The following ADGRL3 variants were observed in gnomAD, a reference collection of about 807,000 sequenced individuals.
ADGRL3 encodes the protein adhesion G protein-coupled receptor L3.
Under a neutral mutation model 153.5 loss-of-function variants are expected in ADGRL3, and 62 were observed. The ratio of observed to expected loss-of-function variants is 0.40; its 90% confidence interval spans 0.33 to 0.50. ADGRL3 has a LOEUF of 0.50. Ranked by LOEUF, ADGRL3 falls within the 20% of genes least tolerant of loss-of-function variation. The pLI is 0.47. For missense variants in ADGRL3, 1,641 were observed against 1,859.4 expected (o/e 0.88, Z 2.16); for synonymous variants, 710 against 672.5 (o/e 1.06, Z -0.86).
intron 2 of ADGRL3, among the ~76,000 whole-genome samples, chr4:61,413,487 C>T (rs1189348594): frequency 2.0e-5 from 3 of 152,016 alleles, no homozygotes; most frequent in Non-Finnish European, 4.4e-5. Context: ...ATAGAGGTGC[C>T]GGGGTTATAA....
At chr4:61,783,310 C>T (rs1047248937) in intron 8 of ADGRL3, among the ~76,000 whole-genome samples, 1 of 152,088 alleles carries the variant, frequency 6.6e-6, no homozygotes, top group Non-Finnish European at 1.5e-5. Context: ...ATATCTGAGC[C>T]AAGTGCCTGG....
Position 61,956,936 on chromosome 4 carries a change from T to C in ADGRL3, c.2805+8660T>C, listed in dbSNP as rs192032017. On this transcript the variant is annotated intron_variant, in intron 17 of 26. Coordinates refer to ENST00000683033, the MANE Select transcript of ADGRL3 (RefSeq NM_001387552.1). ...CCAATACCATGCTTTTTGGTTACTG[T>C]AGTATTTTAGTGTAGTTTGAAGTCA... Among the ~76,000 whole-genome samples, 207 of 152,274 alleles carry C rather than the reference T, an allele frequency of 1.4e-3. 2 individuals carry two copies. The highest frequency in any genetic ancestry group is 2.2e-4 in the Non-Finnish European group (15 of 68,026).
chr4:62,000,739 G>C (rs1012406178), intron 21 of ADGRL3, among the ~76,000 whole-genome samples: 1 of 151,936 alleles, frequency 6.6e-6, no homozygotes, highest in African/African-American at 2.4e-5. Flanking sequence ...GTAGTTGTTA[G>C]AAGGGGTACA....
At chr4:62,025,890 C>A (rs149193120) in intron 21 of ADGRL3, among the ~76,000 whole-genome samples, 1,993 of 152,074 alleles carry the variant, frequency 0.013, 56 homozygotes, top group African/African-American at 0.045. Flanking sequence ...AAAAATTATT[C>A]AGCTATAGAA....
intron 1 of ADGRL3, among the ~76,000 whole-genome samples, chr4:61,374,744 C>A (rs951181182): frequency 6.6e-6 from 1 of 152,140 alleles, no homozygotes; most frequent in Non-Finnish European, 1.5e-5. Flanking sequence ...AGAAGCATTT[C>A]TTTATTTCCT....
intron 18 of ADGRL3, among the ~76,000 whole-genome samples, chr4:61,982,323 C>T (rs1018926371): frequency 2.0e-5 from 3 of 152,228 alleles, no homozygotes; most frequent in East Asian, 1.9e-4. Flanking sequence ...TCCTTGCTAG[C>T]GAGGTATCCT....
At position 61,663,433 on chromosome 4, in the gene ADGRL3, C is replaced by T. The variant is rs561406485; in HGVS notation, c.474-13393C>T. 5.9e-5 allele frequency among the ~76,000 whole-genome samples: 9 copies of T among 152,366 alleles called. No homozygotes were observed. In the South Asian group the frequency reaches 1.7e-3, roughly 28 times the overall value. ...GCCTCGCTGGGAGCTGGCACCTGTG[C>T]TGCTGCCCAAAGGTGCCTACCCCAC... On this transcript the variant is annotated intron_variant, in intron 5 of 26. Coordinates refer to ENST00000683033, the MANE Select transcript of ADGRL3 (RefSeq NM_001387552.1).
At chr4:61,379,885 C>T (rs1048509481) in intron 1 of ADGRL3, among the ~76,000 whole-genome samples, 7 of 151,792 alleles carry the variant, frequency 4.6e-5, no homozygotes, top group East Asian at 3.9e-4. Flanking sequence ...ATAAACATCC[C>T]GGTAAGAAAC....
intron 8 of ADGRL3, among the ~76,000 whole-genome samples, chr4:61,802,224 A>G (rs1164785989): frequency 2.0e-5 from 3 of 152,038 alleles, no homozygotes; most frequent in African/African-American, 4.8e-5. Context: ...TGCTTCCCAG[A>G]CACATATGCA....
intron 9 of ADGRL3, among the ~76,000 whole-genome samples, chr4:61,877,476 G>T (rs1452362085): frequency 1.3e-5 from 2 of 152,196 alleles, no homozygotes; most frequent in Non-Finnish European, 2.9e-5. Context: ...GAATGTGGTT[G>T]TGGTTATACA....
At chr4:61,957,937 C>T (rs552317767) in intron 17 of ADGRL3, among the ~76,000 whole-genome samples, 1 of 152,080 alleles carries the variant, frequency 6.6e-6, no homozygotes, top group South Asian at 2.1e-4. Flanking sequence ...AAAAAAGTAT[C>T]GTTTTCAGTG....
At chr4:61,383,990 C>A (rs967416910) in intron 2 of ADGRL3, among the ~76,000 whole-genome samples, 1 of 151,744 alleles carries the variant, frequency 6.6e-6, no homozygotes, top group Non-Finnish European at 1.5e-5. Flanking sequence ...TATCAACTTT[C>A]TTATTGGTCT....
intron 9 of ADGRL3, among the ~76,000 whole-genome samples, chr4:61,849,885 GT>G (rs2098180951): frequency 6.6e-6 from 1 of 152,026 alleles, no homozygotes; most frequent in Non-Finnish European, 1.5e-5. Context: ...GGTATTTTAG[GT>G]ATAAACACAT....
intron 21 of ADGRL3, among the ~76,000 whole-genome samples, chr4:62,021,706 T>TATTA (rs1476806901): frequency 6.6e-6 from 1 of 152,134 alleles, no homozygotes; most frequent in Non-Finnish European, 1.5e-5. Context: ...ACTTTTTCAT[T>TATTA]ATTATTATAT....
At chr4:61,855,586 A>G (rs2098253941) in intron 9 of ADGRL3, among the ~76,000 whole-genome samples, 1 of 152,262 alleles carries the variant, frequency 6.6e-6, no homozygotes, top group Admixed American at 6.5e-5. Context: ...GGGATTATAG[A>G]AAATATCAAG....
intron 3 of ADGRL3, among the ~76,000 whole-genome samples, chr4:61,501,612 A>G (rs2152828144): frequency 6.6e-6 from 1 of 152,338 alleles, no homozygotes; most frequent in South Asian, 2.1e-4. Flanking sequence ...AAATAAAATT[A>G]TTCTCACTAT....
At chr4:61,595,434 G>A (rs2098985128) in intron 5 of ADGRL3, among the ~76,000 whole-genome samples, 1 of 152,034 alleles carries the variant, frequency 6.6e-6, no homozygotes, top group South Asian at 2.1e-4. Context: ...TCTTGATCCA[G>A]GATGTGTTGA....
rs368823209 is a variant in ADGRL3, at chr4:61,948,322, G to A, written c.2805+46G>A. The stretch of plus-strand genomic sequence containing the variant: ...TGAAAATGTTTTAGTATATTATATG[G>A]TCACTAACTGTAAATAGTCCTAACT... On this transcript the variant is annotated intron_variant, in intron 17 of 26. Coordinates refer to ENST00000683033, the MANE Select transcript of ADGRL3 (RefSeq NM_001387552.1). 143 of 1,428,732 alleles carry A rather than the reference G, an allele frequency of 1.0e-4. No homozygotes were observed. In the African/African-American group the frequency reaches 1.2e-3, roughly 12 times the overall value. The allele number at this position is 1,428,732 out of a possible 1,614,324, so 88.5% of individuals were successfully genotyped here. A position where few individuals can be genotyped will look rare whatever the true frequency, so the allele number is the denominator to read the frequency against.
intron 4 of ADGRL3, among the ~76,000 whole-genome samples, chr4:61,547,317 T>C (rs1277905149): frequency 6.6e-6 from 1 of 151,892 alleles, no homozygotes; most frequent in African/African-American, 2.4e-5. Flanking sequence ...AGGTTTGTCA[T>C]GTAGGTAAAT....
Sources: gnomAD v4.1 joint callset for allele counts (sites outside exome capture counted in the v4.1 genomes callset) on GRCh38, gnomAD v4.1.1 for gene constraint, MANE v1.5 for transcripts, NCBI Gene and HGNC (gene_info 2026-07-23, HGNC 2026-07-21) for gene names.